Variants in MTFR2 observed in about 807,000 individuals in gnomAD.
MTFR2 encodes DUF729 domain-containing protein 1.
A neutral mutation model predicts 41.2 loss-of-function variants in MTFR2; 44 were observed. The observed-to-expected ratio is 1.07, with a 90% confidence interval of 0.84 to 1.37. The LOEUF (loss-of-function observed/expected upper bound fraction) is 1.37, where lower values mean the gene tolerates loss of function less well. Ranked by LOEUF, MTFR2 falls within the 40% of genes most tolerant of loss-of-function variation. The pLI, the probability that MTFR2 is intolerant of heterozygous loss-of-function variation, is 0.00. For missense variants in MTFR2, 452 were observed against 459.5 expected (o/e 0.98, Z 0.15); for synonymous variants, 141 against 154.6 (o/e 0.91, Z 0.65).
intron 6 of MTFR2, among the ~76,000 whole-genome samples, chr6:136,234,808 G>A (rs976405870): frequency 2.0e-5 from 3 of 152,256 alleles, no homozygotes; most frequent in African/African-American, 4.8e-5. Context: ...GTTGGCAGTG[G>A]AGGTCAAGAG....
At position 136,231,158 on chromosome 6, in the gene MTFR2, A is replaced by G; in HGVS notation, c.*117T>C. 1 of 658,766 alleles carries G rather than the reference A, an allele frequency of 1.5e-6. No homozygotes were observed. Among genetic ancestry groups the G allele is most frequent in the South Asian group, 2.0e-5 (1 of 49,124 alleles). 40.8% of individuals were successfully genotyped at this position (658,766 alleles called of 1,614,324 possible). On this transcript the variant is annotated 3_prime_UTR_variant, in exon 8 of 8. Coordinates refer to ENST00000420702, the MANE Select transcript of MTFR2 (RefSeq NM_001099286.3). Reference sequence around the variant, plus strand: ...ATAGCAAGTGTAGGCAAAATGTGTCAAGAAGAGTCTTTAAATACATCTACT... The same window carrying G: ...ATAGCAAGTGTAGGCAAAATGTGTCGAGAAGAGTCTTTAAATACATCTACT...
At chr6:136,233,261 G>T (rs765054266) in intron 7 of MTFR2, 64 bp downstream of exon 7, 1 of 1,396,300 alleles carries the variant, frequency 7.2e-7, no homozygotes, top group Non-Finnish European at 1.0e-6. Context: ...TGAACACAAA[G>T]CTGTAACATA....
At chr6:136,240,067 C>T (rs921549320) in intron 5 of MTFR2, among the ~76,000 whole-genome samples, 2 of 136,662 alleles carry the variant, frequency 1.5e-5, no homozygotes, top group Non-Finnish European at 2.9e-5. Context: ...GAGAATGCAT[C>T]TTAAACAAAC....
In MTFR2 at chr6:136,242,229, G is replaced by A. The variant is rs371022379; in HGVS notation, c.282-553C>T. ...AGCCTCCAATGGAGGACCAGTCAGT[G>A]ACCAGGGAATGAACAAAACAAACTT... On this transcript the variant is annotated intron_variant, in intron 4 of 7. Transcript: ENST00000420702. 2.8e-4 allele frequency among the ~76,000 whole-genome samples: 43 copies of A among 152,048 alleles called. 1 individual carries two copies. The East Asian group carries it at 7.6e-3, about 27-fold the overall frequency.
chr6:136,239,841 T>G (rs762216871), intron 5 of MTFR2, 21 bp from the exon 6 acceptor site: 2 of 1,567,620 alleles, frequency 1.3e-6, no homozygotes, highest in East Asian at 2.3e-5. Context: ...AGTGGTTTAT[T>G]ACAAAATCAT....
intron 6 of MTFR2, among the ~76,000 whole-genome samples, chr6:136,234,686 C>G (rs905875389): frequency 6.6e-6 from 1 of 152,152 alleles, no homozygotes; most frequent in African/African-American, 2.4e-5. Flanking sequence ...ATGGCCTGAT[C>G]TGACTTCTGG....
At chr6:136,243,067 G>A in intron 3 of MTFR2, 94 bp from the exon 4 acceptor site, 1 of 705,976 alleles carries the variant, frequency 1.4e-6, no homozygotes, top group Non-Finnish European at 2.2e-6. Context: ...CAATCCAAAA[G>A]AAAGAAAAAT....
chr6:136,231,386 A>G lies in MTFR2; in HGVS notation c.1047T>C (p.Phe349=). 1 of 1,583,024 alleles carries G rather than the reference A, an allele frequency of 6.3e-7. No individual in the cohort carries two copies. Among genetic ancestry groups the G allele is most frequent in the East Asian group, 2.2e-5 (1 of 44,666 alleles). The stretch of plus-strand genomic sequence containing the variant: ...CTTCTGACTGTGAAATGTGATGTCC[A>G]AACTGAAATAAAGCAAATATTTAAC... ...SPFSSPETSR[F]GHHISQSEGQ... is the part of the protein sequence containing the mutation. Residue 349 remains phenylalanine, a splice_region_variant and synonymous_variant, in exon 8 of 8, where the codon TTT becomes TTC. Coordinates refer to ENST00000420702, the MANE Select transcript of MTFR2 (RefSeq NM_001099286.3).
In MTFR2 at chr6:136,241,522, C is replaced by G; in HGVS notation, c.436G>C (p.Glu146Gln). The change falls in exon 5 of 8, where the codon GAA becomes CAA. Residue 146 changes from glutamate to glutamine, a missense_variant. Physicochemically the swap from Glu to Gln is conservative, Grantham distance 29. Transcript: ENST00000420702. ...GAGCGAAGAAAAGTCAGCTCATTTT[C>G]AAGGGCAGCTATTTTTCTAATTGCA... ...EAAIRKIAALENELTFLRSQI... is the reference protein window; with the variant it reads ...EAAIRKIAALQNELTFLRSQI... The G allele has an allele frequency of 6.2e-7, 1 of 1,614,112 alleles. No homozygotes were observed. Among genetic ancestry groups the G allele is most frequent in the Non-Finnish European group, 8.5e-7 (1 of 1,180,004 alleles).
Position 136,243,606 on chromosome 6 carries a change from A to G in MTFR2, c.169-633T>C, listed in dbSNP as rs1041968933. ...ACCTCCCAAGTAGTCCCAGCTACTC[A>G]GGAGGCTGAGGTGGGAGGATCACTT... On this transcript the variant is annotated intron_variant, in intron 3 of 7. Coordinates refer to ENST00000420702, the MANE Select transcript of MTFR2 (RefSeq NM_001099286.3). 9.0e-4 allele frequency among the ~76,000 whole-genome samples: 137 copies of G among 152,084 alleles called. 1 individual carries two copies. Among genetic ancestry groups the G allele is most frequent in the Non-Finnish European group, 7.4e-5 (5 of 67,970 alleles).
chr6:136,235,654 C>A (rs1779884530), intron 6 of MTFR2, among the ~76,000 whole-genome samples: 1 of 152,190 alleles, frequency 6.6e-6, no homozygotes, highest in Admixed American at 6.5e-5. Flanking sequence ...GTGCTCCAGG[C>A]TAGGCGCAGT....
chr6:136,243,397 G>A (rs1387251081), intron 3 of MTFR2, among the ~76,000 whole-genome samples: 2 of 152,106 alleles, frequency 1.3e-5, no homozygotes, highest in Non-Finnish European at 1.5e-5. Flanking sequence ...ATTTTAGAGT[G>A]TATTCCTTCT....
intron 5 of MTFR2, among the ~76,000 whole-genome samples, chr6:136,240,375 G>A (rs1182857950): frequency 6.6e-6 from 1 of 151,270 alleles, no homozygotes; most frequent in Non-Finnish European, 1.5e-5. Context: ...ATAAGTTATT[G>A]TATATTATAT....
rs71661846 is a variant in MTFR2, at chr6:136,243,714, T to TAA, written c.169-743_169-742dup. On this transcript the variant is annotated intron_variant, in intron 3 of 7. Transcript: ENST00000420702. Reference sequence around the variant, plus strand: ...CCTGGGCGACAGCAAGACCTTATCTTAAAAAAAAAAAAAAAAAGTTAACTA... The same window carrying TAA: ...CCTGGGCGACAGCAAGACCTTATCTTAAAAAAAAAAAAAAAAAAAGTTAACTA... Among the ~76,000 whole-genome samples the TAA allele has an allele frequency of 8.7e-4, 118 of 135,756 alleles. 1 individual carries two copies. The highest frequency in any genetic ancestry group is 2.7e-3 in the African/African-American group (101 of 37,550). The allele number at this position is 135,756 out of a possible 152,430, so 89.1% of individuals were successfully genotyped here. A position where few individuals can be genotyped will look rare whatever the true frequency, so the allele number is the denominator to read the frequency against.
intron 3 of MTFR2, 62 bp from the exon 4 acceptor site, chr6:136,243,035 C>A: frequency 2.9e-6 from 3 of 1,032,184 alleles, no homozygotes; most frequent in Non-Finnish European, 2.8e-6. Context: ...AGACACATGC[C>A]CCATGGTATT....
At chr6:136,241,389 A>G in intron 5 of MTFR2, 55 bp downstream of exon 5, 1 of 1,438,744 alleles carries the variant, frequency 7.0e-7, no homozygotes, top group East Asian at 2.4e-5. Context: ...ACAGGTTGGT[A>G]TAGGCTATAC....
chr6:136,234,779 A>G (rs1377822214), intron 6 of MTFR2, among the ~76,000 whole-genome samples: 3 of 152,254 alleles, frequency 2.0e-5, no homozygotes, highest in Non-Finnish European at 4.4e-5. Context: ...GCTAGATAAG[A>G]ATGGGCTTAG....
chr6:136,242,323 A>T (rs1780101963), intron 4 of MTFR2, among the ~76,000 whole-genome samples: 1 of 152,176 alleles, frequency 6.6e-6, no homozygotes, highest in South Asian at 2.1e-4. Flanking sequence ...AACGCAGGTA[A>T]GTTAATTTAT....
chr6:136,242,217 G>A (rs1458386147), intron 4 of MTFR2, among the ~76,000 whole-genome samples: 1 of 151,874 alleles, frequency 6.6e-6, no homozygotes, highest in Admixed American at 6.6e-5. Flanking sequence ...CTCCAATGGA[G>A]GACCAGTCAG....
Sources: gnomAD v4.1 joint callset for allele counts (sites outside exome capture counted in the v4.1 genomes callset) on GRCh38, gnomAD v4.1.1 for gene constraint, MANE v1.5 for transcripts, NCBI Gene and HGNC (gene_info 2026-07-23, HGNC 2026-07-21) for gene names.